PPIP5K1: variants seen among roughly 807,000 people sequenced by gnomAD.
PPIP5K1 encodes inositol hexakisphosphate and diphosphoinositol-pentakisphosphate kinase 1.
PPIP5K1 carries 6 observed loss-of-function variants against 27.7 expected under a neutral mutation model. The observed-to-expected ratio is 0.22, with a 90% CI of 0.12 to 0.43. PPIP5K1 has a LOEUF of 0.43. PPIP5K1 is among the 20% of genes least tolerant of loss of function. PPIP5K1 has a pLI of 1.00. For synonymous variants in PPIP5K1, 145 were observed against 242.6 expected, an observed-to-expected ratio of 0.60 and a Z score of 3.74; for missense variants, 394 against 635.4, an observed-to-expected ratio of 0.62 and a Z score of 4.08.
chr15:43,548,951 C>T (rs1397479988), intron 30 of PPIP5K1, among the ~76,000 whole-genome samples: 1 of 141,494 alleles, frequency 7.1e-6, no homozygotes, highest in African/African-American at 2.6e-5. Flanking sequence ...TCGCTTGAAC[C>T]TGGAAGGCGG....
intron 30 of PPIP5K1, among the ~76,000 whole-genome samples, chr15:43,549,056 A>AATATATATATATATATATATATATATAT (rs762219321): frequency 1.8e-5 from 1 of 54,282 alleles, no homozygotes; most frequent in African/African-American, 1.4e-4. Context: ...AAAAAAAAAA[A>AATATATATATATATATATATATATATAT]ATATATATAT....
At chr15:43,547,831 G>A (rs1490431804) in intron 30 of PPIP5K1, among the ~76,000 whole-genome samples, 1 of 152,110 alleles carries the variant, frequency 6.6e-6, no homozygotes, top group African/African-American at 2.4e-5. Flanking sequence ...GGCTGTTCAG[G>A]CCCTCTTACA....
intron 10 of PPIP5K1, among the ~76,000 whole-genome samples, chr15:43,579,656 T>TTG (rs2084801610): frequency 4.9e-5 from 2 of 40,800 alleles, no homozygotes; most frequent in African/African-American, 7.2e-4. Context: ...TATATATATT[T>TTG]TTTTTTTTTT....
chr15:43,542,300 G>GC (rs1402199105), intron 30 of PPIP5K1, among the ~76,000 whole-genome samples: 1 of 74,022 alleles, frequency 1.4e-5, no homozygotes, highest in Non-Finnish European at 3.8e-5. Flanking sequence ...CTTAATTTTG[G>GC]CGGGGGGGGG....
At chr15:43,549,607 C>G (rs1015363249) in intron 30 of PPIP5K1, among the ~76,000 whole-genome samples, 1 of 152,008 alleles carries the variant, frequency 6.6e-6, no homozygotes, top group Non-Finnish European at 1.5e-5. Context: ...GAGCTGAGAT[C>G]ATGCCAGTGC....
At chr15:43,554,789 T>C in intron 30 of PPIP5K1, among the ~76,000 whole-genome samples, 1 of 152,152 alleles carries the variant, frequency 6.6e-6, no homozygotes, top group Middle Eastern at 3.4e-3. Flanking sequence ...TTTATAATTA[T>C]AATTGATATT....
intron 30 of PPIP5K1, among the ~76,000 whole-genome samples, chr15:43,549,440 G>A (rs1466485737): frequency 6.6e-6 from 1 of 152,068 alleles, no homozygotes; most frequent in East Asian, 1.9e-4. Context: ...GAGGTGGCAG[G>A]ATCACTTGAA....
chr15:43,552,676 G>C (rs1595815779), intron 30 of PPIP5K1, among the ~76,000 whole-genome samples: 1 of 151,608 alleles, frequency 6.6e-6, no homozygotes, highest in African/African-American at 2.4e-5. Context: ...ACGCCAGCCT[G>C]GGTGACAGAG....
intron 30 of PPIP5K1, 28 bp downstream of exon 30, chr15:43,558,766 GA>G: frequency 6.2e-7 from 1 of 1,611,874 alleles, no homozygotes; most frequent in Non-Finnish European, 8.5e-7. Flanking sequence ...GGGGCAGAGA[GA>G]AGGGTAAAAA....
intron 30 of PPIP5K1, among the ~76,000 whole-genome samples, chr15:43,553,432 T>C (rs2082491955): frequency 6.6e-6 from 1 of 152,022 alleles, no homozygotes; most frequent in African/African-American, 2.4e-5. Flanking sequence ...AGCCTTAACT[T>C]CCTGGGCTCA....
At position 43,534,773 on chromosome 15, in the gene PPIP5K1, A is replaced by G. The variant is rs759667468; in HGVS notation, c.4374T>C (p.Asn1458=). 3.2e-6 allele frequency: 5 copies of G among 1,575,730 alleles called. No homozygotes were observed. The Admixed American group carries it at 9.1e-5, about 29-fold the overall frequency. The part of the protein sequence containing the change: ...GRLAQETSAI[N]LLSQGIPEID... ...TCTCAGGGATGCCCTGAGATAACAG[A>G]TTGATCGCAGAAGTCTCCTGGGCCA... Residue 1458 remains asparagine (N), a synonymous_variant, in exon 32 of 32, where the codon AAT becomes AAC. Transcript: ENST00000420765.
At chr15:43,548,030 G>T (rs1444283017) in intron 30 of PPIP5K1, among the ~76,000 whole-genome samples, 1 of 152,030 alleles carries the variant, frequency 6.6e-6, no homozygotes, top group East Asian at 1.9e-4. Flanking sequence ...TCTTTATTGA[G>T]ACAGGGTCTC....
chr15:43,551,759 C>T (rs1237303712), intron 30 of PPIP5K1, among the ~76,000 whole-genome samples: 12 of 149,958 alleles, frequency 8.0e-5, no homozygotes, highest in East Asian at 4.1e-4. Context: ...CCCGCCACTA[C>T]GCCTGGCTAA....
Position 43,534,829 on chromosome 15 carries a change from A to T in PPIP5K1, c.4318T>A (p.Tyr1440Asn). Reference protein sequence around the residue: ...EEIPEEVIQPYQEFSVEVGRL... With the variant: ...EEIPEEVIQPNQEFSVEVGRL... ...CCAACCTCCACAGAGAACTCCTGGT[A>T]TGGCTGGATGACCTCCTCAGGGATC... The change falls in exon 32 of 32, where the codon TAC (tyrosine) becomes AAC (asparagine). Residue 1440 changes from tyrosine (Y) to asparagine (N), a missense_variant. This residue lies in a region of PPIP5K1 where 379 missense variants were observed against 423.9 expected (regional missense o/e 0.89). Transcript: ENST00000420765. The T allele has an allele frequency of 6.2e-7, 1 of 1,612,108 alleles. No homozygotes were observed. The highest frequency in any genetic ancestry group is 8.5e-7 in the Non-Finnish European group (1 of 1,178,746).
At chr15:43,548,519 G>C (rs1020465504) in intron 30 of PPIP5K1, 4 of 150,646 alleles carry the variant, frequency 2.7e-5, no homozygotes, top group African/African-American at 9.7e-5. Flanking sequence ...CAAAGTGTTG[G>C]GATTACAGGT....
intron 30 of PPIP5K1, among the ~76,000 whole-genome samples, chr15:43,542,587 C>T (rs1026515608): frequency 1.3e-5 from 2 of 151,672 alleles, no homozygotes; most frequent in East Asian, 3.9e-4. Flanking sequence ...GCTACCTCAC[C>T]TAGCACCCAG....
chr15:43,536,890 C>T (rs983372210), intron 31 of PPIP5K1, among the ~76,000 whole-genome samples: 2 of 152,060 alleles, frequency 1.3e-5, no homozygotes, highest in African/African-American at 4.8e-5. Flanking sequence ...TATATTAAAG[C>T]ACTATGGTAT....
intron 1 of PPIP5K1, among the ~76,000 whole-genome samples, chr15:43,586,706 GATAATAATAATAATAATA>G (rs139100270): frequency 4.1e-5 from 4 of 96,576 alleles, no homozygotes; most frequent in South Asian, 3.9e-4. Context: ...AAATAATGAT[GATAATAATAATAATAATA>G]ATAATAATAA....
intron 30 of PPIP5K1, among the ~76,000 whole-genome samples, chr15:43,554,074 T>C (rs1289785629): frequency 6.6e-6 from 1 of 152,050 alleles, no homozygotes; most frequent in Non-Finnish European, 1.5e-5. Context: ...ATCTAGGAGG[T>C]CAAGGCTGCA....
Sources: allele counts gnomAD v4.1 joint callset (sites outside exome capture counted in the v4.1 genomes callset), GRCh38; gene constraint gnomAD v4.1.1; regional missense constraint gnomAD v4.1.1; transcripts MANE v1.5; gene names NCBI Gene and HGNC (gene_info 2026-07-23, HGNC 2026-07-21).